The following PLEKHG2 variants were observed in gnomAD, a reference collection of about 807,000 sequenced individuals.
The protein encoded by PLEKHG2 is pleckstrin homology domain-containing family G member 2.
Under a neutral mutation model 104.4 loss-of-function variants are expected in PLEKHG2, and 71 were observed. That is an observed-to-expected ratio of 0.68 (90% confidence interval 0.56 to 0.83). The LOEUF (loss-of-function observed/expected upper bound fraction) is 0.83, where lower values mean the gene tolerates loss of function less well. Among genes scored for constraint, PLEKHG2 ranks in the 40% least tolerant of loss-of-function variants. The pLI is 0.00. For synonymous variants in PLEKHG2, 728 were observed against 737.0 expected (o/e 0.99, Z 0.20); for missense variants, 1,730 against 1,809.4 (o/e 0.96, Z 0.80).
In PLEKHG2 at chr19:39,416,104, G is replaced by T. The variant is rs564619386; in HGVS notation, c.480-244G>T. ...CATGATATAACACCCCTAGGCTCAT[G>T]CCAGCACTGACACAAGTTCAAGCTG... On this transcript the variant is annotated intron_variant, in intron 4 of 18. Transcript: ENST00000425673. This position sits in a 1 kb window ranked among gnomAD's most constrained non-coding sequence, Gnocchi z 4.5. 6.6e-6 allele frequency among the ~76,000 whole-genome samples: 1 copy of T among 152,128 alleles called. No individual in the cohort carries two copies. Among genetic ancestry groups the T allele is most frequent in the Non-Finnish European group, 1.5e-5 (1 of 68,010 alleles).
chr19:39,425,384 A>G lies in PLEKHG2; in HGVS notation c.*90A>G. 6.7e-7 allele frequency: 1 copy of G among 1,498,880 alleles called. No homozygotes were observed. Among genetic ancestry groups the G allele is most frequent in the East Asian group, 2.4e-5 (1 of 42,112 alleles). The allele number at this position is 1,498,880 out of a possible 1,614,324, so 92.8% of individuals were successfully genotyped here. Reference sequence around the variant, plus strand: ...ACCTGGAAGTCCAGACACTGAACGCAGGCCTCAAAACTGCTGCGGCCTTCC... The same window carrying G: ...ACCTGGAAGTCCAGACACTGAACGCGGGCCTCAAAACTGCTGCGGCCTTCC... On this transcript the variant is annotated 3_prime_UTR_variant, in exon 19 of 19. Coordinates refer to ENST00000425673, the MANE Select transcript of PLEKHG2 (RefSeq NM_022835.3).
In PLEKHG2 at chr19:39,413,926, T is replaced by A. The variant is rs1482762377; in HGVS notation, c.-22-139T>A. The A allele has an allele frequency of 1.8e-6, 1 of 563,012 alleles. No homozygotes were observed. Among genetic ancestry groups the A allele is most frequent in the Non-Finnish European group, 3.2e-6 (1 of 313,326 alleles). 34.9% of individuals were successfully genotyped at this position (563,012 alleles called of 1,614,324 possible). On this transcript the variant is annotated intron_variant, in intron 1 of 18. Transcript: ENST00000425673. This position sits in a 1 kb window ranked among gnomAD's most constrained non-coding sequence, Gnocchi z 4.5. Reference sequence around the variant, plus strand: ...CCTTGTCCCCTTCTTTCTGTCACTTTGTGCCTCCCCCATTAGTTACTCCCA... The same window carrying A: ...CCTTGTCCCCTTCTTTCTGTCACTTAGTGCCTCCCCCATTAGTTACTCCCA...
chr19:39,425,176 G>A lies in PLEKHG2; in HGVS notation c.4043G>A (p.Arg1348Gln), dbSNP rs778801083. Residue 1348 changes from arginine to glutamine, a missense_variant, in exon 19 of 19, where the codon CGG (arginine) becomes CAG (glutamine). Arg to Gln is a conservative substitution (Grantham distance 43). Coordinates refer to ENST00000425673, the MANE Select transcript of PLEKHG2 (RefSeq NM_022835.3). ...AACATCCACGTGGGCGGGGGTGGGC[G>A]GCTGCGGCCAGCCAAGGCCCAGGTC... Reference protein sequence around the residue: ...TVNIHVGGGGRLRPAKAQVRL... With the variant: ...TVNIHVGGGGQLRPAKAQVRL... The A allele has an allele frequency of 5.6e-6, 9 of 1,603,076 alleles. No homozygotes were observed. Among genetic ancestry groups the A allele is most frequent in the African/African-American group, 2.7e-5 (2 of 74,468 alleles).
In PLEKHG2 at chr19:39,423,411, A is replaced by T; in HGVS notation, c.2357A>T (p.Glu786Val). The T allele has an allele frequency of 1.2e-6, 2 of 1,610,932 alleles. No individual in the cohort carries two copies. The highest frequency in any genetic ancestry group is 2.2e-5 in the South Asian group (2 of 90,658). The change falls in exon 18 of 19, where the codon GAG (glutamate) becomes GTG (valine). Residue 786 changes from glutamate to valine, a missense_variant. Coordinates refer to ENST00000425673, the MANE Select transcript of PLEKHG2 (RefSeq NM_022835.3). ...QGQLARPGFPEPLLILEDSDL... is the reference protein window; with the variant it reads ...QGQLARPGFPVPLLILEDSDL... ...CAGCTGGCCCGGCCAGGCTTCCCAG[A>T]GCCACTGCTGATCCTGGAGGATTCG...
At chr19:39,414,699 G>A (rs2078573183) in intron 2 of PLEKHG2, among the ~76,000 whole-genome samples, 1 of 152,124 alleles carries the variant, frequency 6.6e-6, no homozygotes. Context: ...TTATCCCCAG[G>A]GGCATGAAGG....
chr19:39,427,582 G>A lies in PLEKHG2; in HGVS notation c.*2288G>A, dbSNP rs1162257028. 6.6e-6 allele frequency: 1 copy of A among 152,054 alleles called. No individual in the cohort carries two copies. The highest frequency in any genetic ancestry group is 1.5e-5 in the Non-Finnish European group (1 of 68,026). 9.4% of individuals were successfully genotyped at this position (152,054 alleles called of 1,614,324 possible). A position where few individuals can be genotyped will look rare whatever the true frequency, so the allele number is the denominator to read the frequency against. On this transcript the variant is annotated 3_prime_UTR_variant, in exon 19 of 19. Coordinates refer to ENST00000425673, the MANE Select transcript of PLEKHG2 (RefSeq NM_022835.3). ...TGACCTCAGGTGATCCGCCCACCTC[G>A]GCCTCCCAAAGTGTTGGGTTTACAG...
At chr19:39,421,628 CA>C in intron 16 of PLEKHG2, 1 of 425,444 alleles carries the variant, frequency 2.4e-6, no homozygotes, top group East Asian at 5.0e-5. Context: ...GCAGAGGTTG[CA>C]AAATGAGCTG....
chr19:39,421,065 C>A lies in PLEKHG2; in HGVS notation c.1448-10C>A, dbSNP rs770142376. On this transcript the variant is annotated splice_polypyrimidine_tract_variant and intron_variant, in intron 14 of 18. Coordinates refer to ENST00000425673, the MANE Select transcript of PLEKHG2 (RefSeq NM_022835.3). ...GCTGGGCTCCTGACATCACTGTGTC[C>A]TCCCCGCAGAGCCGGTGAAGGACCC... The A allele has an allele frequency of 6.2e-7, 1 of 1,614,010 alleles. No homozygotes were observed. The highest frequency in any genetic ancestry group is 2.2e-5 in the East Asian group (1 of 44,876).
In PLEKHG2 at chr19:39,416,893, G is replaced by T. The variant is rs776664840; in HGVS notation, c.637G>T (p.Ala213Ser). 2 of 1,612,690 alleles carry T rather than the reference G, an allele frequency of 1.2e-6. No individual in the cohort carries two copies. The highest frequency in any genetic ancestry group is 2.7e-5 in the African/African-American group (2 of 74,918). ...LRELSLSPPAALWLQERQAQL... is the reference protein window; with the variant it reads ...LRELSLSPPASLWLQERQAQL... ...GGAGCTGTCGTTGTCTCCGCCAGCA[G>T]CCCTGTGGCTGCAGGAGCGCCAGGC... is the stretch of plus-strand genomic sequence containing the variant. The change falls in exon 7 of 19, where the codon GCC becomes TCC. Residue 213 changes from alanine (A) to serine (S), a missense_variant. Transcript: ENST00000425673. This position sits in a 1 kb window ranked among gnomAD's most constrained non-coding sequence, Gnocchi z 4.5.
intron 9 of PLEKHG2, 120 bp from the exon 10 acceptor site, chr19:39,418,614 C>T: frequency 1.3e-6 from 1 of 747,096 alleles, no homozygotes; most frequent in South Asian, 1.7e-5. Flanking sequence ...CACCATACAG[C>T]CTTATGGGAT....
At chr19:39,419,048 A>G in intron 11 of PLEKHG2, 45 bp downstream of exon 11, 1 of 1,529,374 alleles carries the variant, frequency 6.5e-7, no homozygotes, top group Non-Finnish European at 8.8e-7. Context: ...TGCTGGAGAC[A>G]CCCTCCCCCA....
At position 39,427,587 on chromosome 19, in the gene PLEKHG2, C is replaced by G. The variant is rs2078796913; in HGVS notation, c.*2293C>G. ...TCAGGTGATCCGCCCACCTCGGCCT[C>G]CCAAAGTGTTGGGTTTACAGGCGTG... On this transcript the variant is annotated 3_prime_UTR_variant, in exon 19 of 19. Coordinates refer to ENST00000425673, the MANE Select transcript of PLEKHG2 (RefSeq NM_022835.3). The G allele has an allele frequency of 6.6e-6, 1 of 152,198 alleles. No individual in the cohort carries two copies. Among genetic ancestry groups the G allele is most frequent in the Non-Finnish European group, 1.5e-5 (1 of 68,052 alleles). The allele number at this position is 152,198 out of a possible 1,614,324, so 9.4% of individuals were successfully genotyped here.
At chr19:39,422,573 G>C in intron 17 of PLEKHG2, among the ~76,000 whole-genome samples, 159 bp from the exon 18 acceptor site, 1 of 149,314 alleles carries the variant, frequency 6.7e-6, no homozygotes, top group Non-Finnish European at 1.5e-5. Flanking sequence ...ATTTTTAGTA[G>C]AGACAGGGTT....
chr19:39,423,461 G>A lies in PLEKHG2; in HGVS notation c.2407G>A (p.Gly803Arg), dbSNP rs370245025. ...DSDLGGDSGSGKAGAPSSERT... is the reference protein window; with the variant it reads ...DSDLGGDSGSRKAGAPSSERT... ...GGATCTGGGTGGAGACAGCGGGAGC[G>A]GGAAGGCAGGAGCCCCGAGTTCAGA... Residue 803 changes from glycine (G) to arginine (R), a missense_variant, in exon 18 of 19, where the codon GGG (glycine) becomes AGG (arginine). Coordinates refer to ENST00000425673, the MANE Select transcript of PLEKHG2 (RefSeq NM_022835.3). 229 of 1,603,386 alleles carry A rather than the reference G, an allele frequency of 1.4e-4. No individual in the cohort carries two copies. Among genetic ancestry groups the A allele is most frequent in the Admixed American group, 9.5e-4 (56 of 58,834 alleles).
At position 39,418,019 on chromosome 19, in the gene PLEKHG2, G is replaced by C. The variant is rs1013676177; in HGVS notation, c.997G>C (p.Gly333Arg). 1.3e-6 allele frequency: 2 copies of C among 1,562,472 alleles called. No individual in the cohort carries two copies. The highest frequency in any genetic ancestry group is 1.7e-6 in the Non-Finnish European group (2 of 1,155,122). Residue 333 changes from glycine (G) to arginine (R), a missense_variant, in exon 9 of 19, where the codon GGT (glycine) becomes CGT (arginine). Gly to Arg is a moderately radical substitution (Grantham distance 125). Transcript: ENST00000425673. ...GGGGGPRLRG[G>R]ERLLFLFSRM... Reference sequence around the variant, plus strand: ...AGGGGGTGGCCCCCGGCTACGAGGGGGTGAGCGGCTGCTCTTCCTGTTCTC... The same window carrying C: ...AGGGGGTGGCCCCCGGCTACGAGGGCGTGAGCGGCTGCTCTTCCTGTTCTC...
chr19:39,424,274 C>T lies in PLEKHG2; in HGVS notation c.3141C>T (p.Ser1047=), dbSNP rs776309494. The T allele has an allele frequency of 4.0e-5, 65 of 1,614,138 alleles. No homozygotes were observed. The highest frequency in any genetic ancestry group is 2.0e-4 in the Admixed American group (12 of 60,014). ...CCAAGCAAGAAGGTCACCTAGACAGCGAGAGCCCAACCAATATCCCACTGA... is the reference window on the plus strand; with the variant it reads ...CCAAGCAAGAAGGTCACCTAGACAGTGAGAGCCCAACCAATATCCCACTGA... ...PVPKQEGHLD[S]ESPTNIPLTK... The change falls in exon 19 of 19, where the codon AGC becomes AGT. Residue 1047 remains serine, a synonymous_variant. Coordinates refer to ENST00000425673, the MANE Select transcript of PLEKHG2 (RefSeq NM_022835.3).
At position 39,420,739 on chromosome 19, in the gene PLEKHG2, C is replaced by G. The variant is rs1287843353; in HGVS notation, c.1298-12C>G. 1.2e-6 allele frequency: 2 copies of G among 1,614,134 alleles called. No homozygotes were observed. Among genetic ancestry groups the G allele is most frequent in the African/African-American group, 1.3e-5 (1 of 75,024 alleles). On this transcript the variant is annotated splice_polypyrimidine_tract_variant and intron_variant, in intron 12 of 18. Transcript: ENST00000425673. ...AAAAAGTTGGCTTTTAGCCCCAAAA[C>G]TCTCCCCACAGGTGCCCCCAAAAGT... is the stretch of plus-strand genomic sequence containing the variant.
chr19:39,420,978 C>G lies in PLEKHG2; in HGVS notation c.1429C>G (p.Arg477Gly). The G allele has an allele frequency of 6.2e-7, 1 of 1,614,036 alleles. No homozygotes were observed. The highest frequency in any genetic ancestry group is 1.1e-5 in the South Asian group (1 of 91,082). ...ATCTCCTGGGCCCTCTGTGATTCGC[C>G]GAGGCCGCAGGCAGTCTGGTGAGCA... Reference protein sequence around the residue: ...APSPGPSVIRRGRRQSEPVKD... With the variant: ...APSPGPSVIRGGRRQSEPVKD... Residue 477 changes from arginine (R) to glycine (G), a missense_variant, in exon 14 of 19, where the codon CGA becomes GGA. Transcript: ENST00000425673.
At position 39,418,718 on chromosome 19, in the gene PLEKHG2, C is replaced by T. The variant is rs558852491; in HGVS notation, c.1084-16C>T. ...CCCAAGGACTCTGAGCTTGCTACCCCTCTCTTTCCTTCCAGTGCTGCAACC... is the reference window on the plus strand; with the variant it reads ...CCCAAGGACTCTGAGCTTGCTACCCTTCTCTTTCCTTCCAGTGCTGCAACC... On this transcript the variant is annotated splice_polypyrimidine_tract_variant and intron_variant, in intron 9 of 18. Coordinates refer to ENST00000425673, the MANE Select transcript of PLEKHG2 (RefSeq NM_022835.3). The T allele has an allele frequency of 6.7e-5, 108 of 1,606,012 alleles. No homozygotes were observed. In the South Asian group the frequency reaches 1.1e-3, roughly 17 times the overall value.
Sources: allele counts gnomAD v4.1 joint callset (sites outside exome capture counted in the v4.1 genomes callset), GRCh38; gene constraint gnomAD v4.1.1; non-coding constraint Gnocchi (gnomAD v3.1); transcripts MANE v1.5; gene names NCBI Gene and HGNC (gene_info 2026-07-23, HGNC 2026-07-21).